GTF2IRD1: variants seen among roughly 807,000 people sequenced by gnomAD.
The protein encoded by GTF2IRD1 is general transcription factor II-I repeat domain-containing protein 1.
GTF2IRD1 carries 26 observed loss-of-function variants against 113.2 expected under a neutral mutation model. The ratio of observed to expected loss-of-function variants is 0.23; its 90% CI spans 0.17 to 0.32. The LOEUF (loss-of-function observed/expected upper bound fraction) is 0.32, where lower values mean the gene tolerates loss of function less well. GTF2IRD1 is among the 10% of genes least tolerant of loss of function. GTF2IRD1 has a pLI of 1.00. For synonymous variants in GTF2IRD1, 484 were observed against 529.1 expected (o/e 0.91, Z 1.17); for missense variants, 864 against 1,280.8 (o/e 0.67, Z 4.97).
At chr7:74,455,563 G>T (rs1792912802) in intron 1 of GTF2IRD1, among the ~76,000 whole-genome samples, 1 of 152,212 alleles carries the variant, frequency 6.6e-6, no homozygotes, top group African/African-American at 2.4e-5. Flanking sequence ...GTGGCTGGAG[G>T]CTGGTGGCTG....
At chr7:74,570,030 T>C (rs1800597633) in intron 22 of GTF2IRD1, among the ~76,000 whole-genome samples, 2 of 151,930 alleles carry the variant, frequency 1.3e-5, no homozygotes, top group South Asian at 4.2e-4. Flanking sequence ...TAAGAAGAGC[T>C]GAGTCAGGAG....
At chr7:74,484,971 A>T (rs2117154371) in intron 1 of GTF2IRD1, among the ~76,000 whole-genome samples, 1 of 152,148 alleles carries the variant, frequency 6.6e-6, no homozygotes, top group East Asian at 1.9e-4. Flanking sequence ...AGTGGATCTG[A>T]GAAATCGCCT....
rs782353732 is a variant in GTF2IRD1 at position 74,555,236 on chromosome 7, G to C, written c.1966+13G>C. The C allele has an allele frequency of 1.2e-6, 2 of 1,612,552 alleles. No homozygotes were observed. The highest frequency in any genetic ancestry group is 2.7e-5 in the African/African-American group (2 of 75,044). ...ATGGATAGTCAAGGTACCCAGCGCG[G>C]GGTCGGGAGCCATGGTGTGGGCGGG... On this transcript the variant is annotated intron_variant, in intron 18 of 26. Coordinates refer to ENST00000424337, the MANE Select transcript of GTF2IRD1 (RefSeq NM_005685.4). The surrounding 1 kb of genome is among the most constrained non-coding windows in gnomAD (Gnocchi z 5.3).
At chr7:74,462,735 C>G (rs1173312596) in intron 1 of GTF2IRD1, among the ~76,000 whole-genome samples, 3 of 152,214 alleles carry the variant, frequency 2.0e-5, no homozygotes, top group Non-Finnish European at 4.4e-5. Flanking sequence ...ACATCAAGAG[C>G]TGACCCCAAG....
chr7:74,569,891 C>T (rs1800587214), intron 22 of GTF2IRD1, among the ~76,000 whole-genome samples: 1 of 152,064 alleles, frequency 6.6e-6, no homozygotes, highest in Admixed American at 6.6e-5. Flanking sequence ...GTATTTAGTG[C>T]AGGCAGGGTG....
At chr7:74,502,454 GCCT>G (rs1796081836) in intron 1 of GTF2IRD1, among the ~76,000 whole-genome samples, 1 of 152,212 alleles carries the variant, frequency 6.6e-6, no homozygotes, top group African/African-American at 2.4e-5. Flanking sequence ...CTCTCTGCTA[GCCT>G]CCTAACTGGC....
At chr7:74,477,984 G>A (rs901040666) in intron 1 of GTF2IRD1, among the ~76,000 whole-genome samples, 2 of 152,174 alleles carry the variant, frequency 1.3e-5, no homozygotes, top group Admixed American at 1.3e-4. Context: ...GGTTGGCACC[G>A]CCCCAGAGCT....
rs961304466 is a variant in GTF2IRD1, at chr7:74,504,488, G to C, written c.-6-3587G>C. On this transcript the variant is annotated intron_variant, in intron 1 of 26. Transcript: ENST00000424337. ...TGTGTGTCAGCTCTGCGTGTGAGCAGCTGGTCTGTTCCCTGCATCCCTGTG... is the reference window on the plus strand; with the variant it reads ...TGTGTGTCAGCTCTGCGTGTGAGCACCTGGTCTGTTCCCTGCATCCCTGTG... Among the ~76,000 whole-genome samples, 16 of 152,258 alleles carry C rather than the reference G, an allele frequency of 1.1e-4. 1 individual carries two copies. The highest frequency in any genetic ancestry group is 2.6e-4 in the Admixed American group (4 of 15,288).
At position 74,453,999 on chromosome 7, in the gene GTF2IRD1, C is replaced by G. The variant is rs1792770365; in HGVS notation, c.-184C>G. 6.7e-6 allele frequency: 1 copy of G among 148,308 alleles called. No individual in the cohort carries two copies. Among genetic ancestry groups the G allele is most frequent in the African/African-American group, 2.5e-5 (1 of 40,584 alleles). The allele number at this position is 148,308 out of a possible 1,614,324, so 9.2% of individuals were successfully genotyped here. The stretch of plus-strand genomic sequence containing the variant: ...GCCCCCCGGCCGGCCGATTCCCCCC[C>G]CGCGCCCCCTCCCCGCGCCTCCCTC... On this transcript the variant is annotated 5_prime_UTR_variant, in exon 1 of 27. Coordinates refer to ENST00000424337, the MANE Select transcript of GTF2IRD1 (RefSeq NM_005685.4).
chr7:74,541,053 C>A (rs1452600671), intron 14 of GTF2IRD1, among the ~76,000 whole-genome samples: 2 of 151,688 alleles, frequency 1.3e-5, no homozygotes, highest in African/African-American at 4.8e-5. Context: ...CGTGAGCCAC[C>A]ACACCTTGCC....
At chr7:74,573,876 G>A (rs971049610) in intron 22 of GTF2IRD1, among the ~76,000 whole-genome samples, 4 of 152,224 alleles carry the variant, frequency 2.6e-5, no homozygotes, top group African/African-American at 9.6e-5. Context: ...CCTTGGGGGC[G>A]CAGGTGCAGT....
chr7:74,467,553 T>G (rs782643029), intron 1 of GTF2IRD1, among the ~76,000 whole-genome samples: 68 of 152,256 alleles, frequency 4.5e-4, no homozygotes, highest in Admixed American at 7.8e-4. Context: ...CAGGCTGGAG[T>G]GCAGTGGCGT....
At chr7:74,549,488 G>A (rs1382543451) in intron 17 of GTF2IRD1, among the ~76,000 whole-genome samples, 3 of 152,160 alleles carry the variant, frequency 2.0e-5, no homozygotes, top group Non-Finnish European at 2.9e-5. Context: ...CTCTGTGCCA[G>A]GAGGGAGGCT....
chr7:74,566,605 CTG>C (rs1800334808), intron 22 of GTF2IRD1, among the ~76,000 whole-genome samples: 1 of 152,128 alleles, frequency 6.6e-6, no homozygotes, highest in African/African-American at 2.4e-5. Context: ...GCTTCCCAAA[CTG>C]CTGGGATTAC....
intron 23 of GTF2IRD1, 37 bp from the exon 24 acceptor site, chr7:74,590,788 G>C (rs782473834): frequency 2.8e-6 from 4 of 1,427,412 alleles, no homozygotes; most frequent in Non-Finnish European, 3.9e-6. Flanking sequence ...ATTGACAGGA[G>C]ACATCTTTCC....
intron 22 of GTF2IRD1, among the ~76,000 whole-genome samples, chr7:74,582,283 G>C (rs1272759226): frequency 6.6e-6 from 1 of 152,222 alleles, no homozygotes; most frequent in African/African-American, 2.4e-5. Context: ...GCAGGGGACA[G>C]GGGAGTTGGT....
In GTF2IRD1 at chr7:74,512,717, C is replaced by A; in HGVS notation, c.124-113C>A. On this transcript the variant is annotated intron_variant, in intron 2 of 26. Coordinates refer to ENST00000424337, the MANE Select transcript of GTF2IRD1 (RefSeq NM_005685.4). The surrounding 1 kb of genome is among the most constrained non-coding windows in gnomAD (Gnocchi z 4.4). ...GTAGAGGGGCCGTCTGTCCCTGGAG[C>A]TGCTGCTGGGGTCTCAGGCAGCTGG... 1 of 934,506 alleles carries A rather than the reference C, an allele frequency of 1.1e-6. No homozygotes were observed. The highest frequency in any genetic ancestry group is 2.3e-5 in the Admixed American group (1 of 42,650). 57.9% of individuals were successfully genotyped at this position (934,506 alleles called of 1,614,324 possible).
intron 1 of GTF2IRD1, among the ~76,000 whole-genome samples, chr7:74,494,160 C>G (rs781794541): frequency 6.6e-6 from 1 of 152,220 alleles, no homozygotes; most frequent in South Asian, 2.1e-4. Context: ...CTTACTCAAT[C>G]TCTCCTACAA....
Position 74,555,130 on chromosome 7 carries a change from A to T in GTF2IRD1, c.1917-44A>T, listed in dbSNP as rs372314916. On this transcript the variant is annotated intron_variant, in intron 17 of 26. Coordinates refer to ENST00000424337, the MANE Select transcript of GTF2IRD1 (RefSeq NM_005685.4). The surrounding 1 kb of genome is among the most constrained non-coding windows in gnomAD (Gnocchi z 5.3). ...AGAGGAGGGCTGAGCAGTCCCAGAGATGCTTGGAGGGACCTCTGTGATAGC... is the reference window on the plus strand; with the variant it reads ...AGAGGAGGGCTGAGCAGTCCCAGAGTTGCTTGGAGGGACCTCTGTGATAGC... 20 of 1,588,070 alleles carry T rather than the reference A, an allele frequency of 1.3e-5. No individual in the cohort carries two copies. The African/African-American group carries it at 2.6e-4, about 20-fold the overall frequency.
Sources: allele counts gnomAD v4.1 joint callset (sites outside exome capture counted in the v4.1 genomes callset), GRCh38; gene constraint gnomAD v4.1.1; non-coding constraint Gnocchi (gnomAD v3.1); transcripts MANE v1.5; gene names NCBI Gene and HGNC (gene_info 2026-07-23, HGNC 2026-07-21).